VWA8: variants seen among roughly 807,000 people sequenced by gnomAD.
VWA8 encodes von Willebrand factor A domain containing 8.
Under a neutral mutation model 241.5 loss-of-function variants are expected in VWA8, and 221 were observed. The observed-to-expected ratio is 0.91, with a 90% CI of 0.82 to 1.02. The LOEUF is 1.02. Among genes scored for constraint, VWA8 ranks in the 50% least tolerant of loss-of-function variants. The probability of loss-of-function intolerance (pLI) is 0.00; values close to 1 mark genes in which losing one functional copy is unlikely to be tolerated. For synonymous variants in VWA8, 852 were observed against 827.1 expected (o/e 1.03, Z -0.52); for missense variants, 2,322 against 2,328.7 (o/e 1.00, Z 0.06).
chr13:41,887,464 G>A, intron 5 of VWA8, 103 bp from the exon 6 acceptor site: 2 of 1,262,306 alleles, frequency 1.6e-6, no homozygotes, highest in Non-Finnish European at 2.2e-6. Flanking sequence ...TGAGAAAACT[G>A]TATTGGAGAA....
At chr13:41,920,231 C>A (rs1876452544) in intron 2 of VWA8, among the ~76,000 whole-genome samples, 2 of 152,102 alleles carry the variant, frequency 1.3e-5, no homozygotes, top group South Asian at 4.2e-4. Flanking sequence ...TTCTAGGTCC[C>A]AAATTGCAGC....
chr13:41,930,283 T>C (rs544494876), intron 2 of VWA8, among the ~76,000 whole-genome samples: 1 of 152,290 alleles, frequency 6.6e-6, no homozygotes, highest in Non-Finnish European at 1.5e-5. Context: ...ACATGTAAAT[T>C]GGTACAGCCA....
chr13:41,945,732 GA>G (rs1264211445), intron 2 of VWA8, among the ~76,000 whole-genome samples: 1 of 152,060 alleles, frequency 6.6e-6, no homozygotes, highest in Non-Finnish European at 1.5e-5. Context: ...GGAACAGAAA[GA>G]AGAAATTATA....
chr13:41,933,856 C>A (rs546504117), intron 2 of VWA8, among the ~76,000 whole-genome samples: 3 of 151,974 alleles, frequency 2.0e-5, no homozygotes, highest in African/African-American at 7.2e-5. Flanking sequence ...AGTACAACTA[C>A]ATCTAGAAAA....
Position 41,721,548 on chromosome 13 carries a change from T to C in VWA8, c.2786A>G (p.Asp929Gly). 1.2e-6 allele frequency: 2 copies of C among 1,613,490 alleles called. No homozygotes were observed. Among genetic ancestry groups the C allele is most frequent in the Non-Finnish European group, 1.7e-6 (2 of 1,179,690 alleles). Residue 929 changes from aspartate (D) to glycine (G), a missense_variant, in exon 25 of 45, where the codon GAT becomes GGT. Coordinates refer to ENST00000379310, the MANE Select transcript of VWA8 (RefSeq NM_015058.2). ...GAGCTCCGAGTGGGGTTTGGGGTTA[T>C]CAACTGCATGGCAGCTAAAAATATC... ...LGDIFSCHAV[D>G]NPKPHSELEM... is the part of the protein sequence containing the mutation.
chr13:41,811,609 TG>T (rs1028233882), intron 16 of VWA8, among the ~76,000 whole-genome samples: 4 of 152,122 alleles, frequency 2.6e-5, no homozygotes, highest in African/African-American at 9.7e-5. Context: ...GGAGGGGCAA[TG>T]GGGGAAGGAT....
chr13:41,756,079 T>A (rs2045693083), intron 21 of VWA8, among the ~76,000 whole-genome samples: 1 of 151,654 alleles, frequency 6.6e-6, no homozygotes. Context: ...CTGACAAAAC[T>A]GATTGAGAAG....
intron 4 of VWA8, among the ~76,000 whole-genome samples, chr13:41,895,242 C>T (rs1289698799): frequency 6.6e-6 from 1 of 152,060 alleles, no homozygotes; most frequent in Non-Finnish European, 1.5e-5. Flanking sequence ...CTCTGAGGTA[C>T]ACAATATTTT....
At chr13:41,676,986 T>A (rs1021803943) in intron 35 of VWA8, among the ~76,000 whole-genome samples, 1 of 152,222 alleles carries the variant, frequency 6.6e-6, no homozygotes, top group African/African-American at 2.4e-5. Flanking sequence ...AAAATGTACA[T>A]AAATATCTTT....
intron 17 of VWA8, 93 bp from the exon 18 acceptor site, chr13:41,787,636 ACT>A (rs1491025923): frequency 1.2e-5 from 9 of 754,828 alleles, no homozygotes; most frequent in Non-Finnish European, 1.6e-5. Context: ...ACACACACAC[ACT>A]CCTTACTAAT....
At chr13:41,956,161 C>T (rs1285221269) in intron 1 of VWA8, among the ~76,000 whole-genome samples, 2 of 152,196 alleles carry the variant, frequency 1.3e-5, no homozygotes, top group African/African-American at 2.4e-5. Context: ...TTGTGAGGGG[C>T]TGTCCTGTGT....
chr13:41,800,549 G>A (rs936571578), intron 17 of VWA8, among the ~76,000 whole-genome samples: 1 of 152,002 alleles, frequency 6.6e-6, no homozygotes, highest in African/African-American at 2.4e-5. Flanking sequence ...AGCACTTTGG[G>A]AGGCTGAGGC....
At chr13:41,623,863 A>G (rs1233688904) in intron 37 of VWA8, among the ~76,000 whole-genome samples, 1 of 152,194 alleles carries the variant, frequency 6.6e-6, no homozygotes, top group Non-Finnish European at 1.5e-5. Flanking sequence ...GTCTGAGGTT[A>G]TTGTACCCAT....
At chr13:41,568,770 C>G (rs1466157834) in intron 44 of VWA8, among the ~76,000 whole-genome samples, 1 of 152,180 alleles carries the variant, frequency 6.6e-6, no homozygotes, top group Non-Finnish European at 1.5e-5. Flanking sequence ...GGTTCTTTCT[C>G]TCTTTCTTTG....
rs139132610 is a variant in VWA8, at chr13:41,817,264, T to C, written c.1870-489A>G. On this transcript the variant is annotated intron_variant, in intron 15 of 44. Coordinates refer to ENST00000379310, the MANE Select transcript of VWA8 (RefSeq NM_015058.2). ...ACAGAATGGATACTTAAGGTGTCCA[T>C]TTTTCCAAAAACATGTAAAACACAT... is the stretch of plus-strand genomic sequence containing the variant. Among the ~76,000 whole-genome samples, 15 of 152,270 alleles carry C rather than the reference T, an allele frequency of 9.9e-5. No individual in the cohort carries two copies. In the East Asian group the frequency reaches 2.9e-3, roughly 29 times the overall value.
At chr13:41,747,826 A>G (rs970820729) in intron 21 of VWA8, among the ~76,000 whole-genome samples, 1 of 152,170 alleles carries the variant, frequency 6.6e-6, no homozygotes, top group Non-Finnish European at 1.5e-5. Context: ...GAATTTTGTC[A>G]AAGGCCTTTT....
intron 1 of VWA8, among the ~76,000 whole-genome samples, chr13:41,950,582 A>C (rs1441562214): frequency 6.7e-6 from 1 of 150,108 alleles, no homozygotes; most frequent in East Asian, 2.0e-4. Context: ...GTTAGCCAGG[A>C]TGATCTCGAT....
At chr13:41,686,711 A>G (rs2045138762) in intron 34 of VWA8, among the ~76,000 whole-genome samples, 1 of 152,014 alleles carries the variant, frequency 6.6e-6, no homozygotes, top group Non-Finnish European at 1.5e-5. Context: ...TACCCTTCAT[A>G]TATTTACTTT....
In VWA8 at chr13:41,811,222, T is replaced by C. The variant is rs747099754; in HGVS notation, c.2063+3A>G. The C allele has an allele frequency of 6.0e-5, 96 of 1,601,016 alleles. No homozygotes were observed. The highest frequency in any genetic ancestry group is 8.0e-5 in the Non-Finnish European group (94 of 1,169,432). On this transcript the variant is annotated splice_donor_region_variant and intron_variant, in intron 17 of 44. Transcript: ENST00000379310. The stretch of plus-strand genomic sequence containing the variant: ...TACACGCAGTGAGAAAGAATATGTT[T>C]ACCTGGAAAGGCAGGCTTTAGTAAC...
Sources: allele counts gnomAD v4.1 joint callset (sites outside exome capture counted in the v4.1 genomes callset), GRCh38; gene constraint gnomAD v4.1.1; transcripts MANE v1.5; gene names NCBI Gene and HGNC (gene_info 2026-07-23, HGNC 2026-07-21).